The following SCRN1 variants were observed in gnomAD, a reference collection of about 807,000 sequenced individuals.
SCRN1 encodes secernin 1.
A neutral mutation model predicts 43.3 loss-of-function variants in SCRN1; 19 were observed. The ratio of observed to expected loss-of-function variants is 0.44; its 90% CI spans 0.31 to 0.64. SCRN1 has a LOEUF of 0.64. Ranked by LOEUF, SCRN1 falls within the 30% of genes least tolerant of loss-of-function variation. The pLI, the probability that SCRN1 is intolerant of heterozygous loss-of-function variation, is 0.09. For missense variants in SCRN1, 447 were observed against 524.1 expected, an observed-to-expected ratio of 0.85 and a Z score of 1.44; for synonymous variants, 183 against 188.9, an observed-to-expected ratio of 0.97 and a Z score of 0.26.
At chr7:29,925,787 T>C (rs1443363321) in intron 7 of SCRN1, among the ~76,000 whole-genome samples, 1 of 151,430 alleles carries the variant, frequency 6.6e-6, no homozygotes, top group South Asian at 2.1e-4. Flanking sequence ...AGCAGGTGGA[T>C]TGCTTGAGCT....
chr7:29,949,042 G>A (rs1323639135), intron 3 of SCRN1, among the ~76,000 whole-genome samples: 1 of 152,112 alleles, frequency 6.6e-6, no homozygotes, highest in Non-Finnish European at 1.5e-5. Context: ...TAGGACAGGA[G>A]CGGTGGCTCA....
At chr7:29,985,971 A>G (rs892739678) in intron 1 of SCRN1, among the ~76,000 whole-genome samples, 3 of 152,266 alleles carry the variant, frequency 2.0e-5, no homozygotes, top group Non-Finnish European at 4.4e-5. Flanking sequence ...GAGGTGGCTC[A>G]TGCCTGTAAT....
upstream of SCRN1, chr7:29,990,023 C>G (rs1273151417): frequency 6.9e-7 from 1 of 1,456,806 alleles, no homozygotes; most frequent in Non-Finnish European, 9.0e-7. Context: ...CCCCTCTTTG[C>G]TAGATTTTTA....
intron 1 of SCRN1, among the ~76,000 whole-genome samples, chr7:29,986,717 A>ATTTTTTTTTTTTTTTTTTTTTT (rs553845779): frequency 2.0e-5 from 2 of 99,852 alleles, no homozygotes; most frequent in Non-Finnish European, 3.8e-5. Context: ...AATTTTTTTA[A>ATTTTTTTTTTTTTTTTTTTTTT]TTTTTTTTTT....
chr7:29,945,969 C>G lies in SCRN1; in HGVS notation c.342-1790G>C, dbSNP rs115235895. On this transcript the variant is annotated intron_variant, in intron 3 of 7. Coordinates refer to ENST00000242059, the MANE Select transcript of SCRN1 (RefSeq NM_014766.5). ...AGAAGTAAAAACTATTCAAATTTAT[C>G]TAATTTGATGCTTCCTAAAGGGATA... 3.1e-3 allele frequency among the ~76,000 whole-genome samples: 472 copies of G among 152,298 alleles called. 6 individuals are homozygous for G. The highest frequency in any genetic ancestry group is 0.011 in the African/African-American group (449 of 41,554).
At chr7:29,986,925 C>T (rs1045868260) in intron 1 of SCRN1, among the ~76,000 whole-genome samples, 6 of 151,868 alleles carry the variant, frequency 4.0e-5, no homozygotes, top group Non-Finnish European at 7.4e-5. Flanking sequence ...GGGGTTTCAC[C>T]GTGTTAGCCA....
At chr7:29,924,530 C>T (rs898283286) in intron 7 of SCRN1, among the ~76,000 whole-genome samples, 1 of 152,202 alleles carries the variant, frequency 6.6e-6, no homozygotes, top group African/African-American at 2.4e-5. Context: ...TCGACGTGCA[C>T]CCATCTTCAG....
intron 2 of SCRN1, among the ~76,000 whole-genome samples, chr7:29,966,212 T>C (rs1320281262): frequency 8.4e-6 from 1 of 119,612 alleles, no homozygotes; most frequent in East Asian, 2.2e-4. Context: ...AGAAGCTGTA[T>C]CCTTTTATGG....
intron 7 of SCRN1, among the ~76,000 whole-genome samples, chr7:29,925,689 GA>G (rs1304258347): frequency 1.3e-5 from 2 of 152,040 alleles, no homozygotes; most frequent in Non-Finnish European, 2.9e-5. Flanking sequence ...GCTGCACTTT[GA>G]AGGATTACGA....
At chr7:29,961,832 C>A (rs1476887083) in intron 2 of SCRN1, among the ~76,000 whole-genome samples, 1 of 152,146 alleles carries the variant, frequency 6.6e-6, no homozygotes, top group African/African-American at 2.4e-5. Context: ...GGGGCTGACC[C>A]CCCCACTGGA....
At chr7:29,956,842 T>TA (rs141892925) in intron 2 of SCRN1, among the ~76,000 whole-genome samples, 4,388 of 150,798 alleles carry the variant, frequency 0.029, 174 homozygotes, top group African/African-American at 0.082. Context: ...GTTATTTATT[T>TA]AAAAAAAAAA....
At chr7:29,937,749 C>T (rs538781666) in intron 5 of SCRN1, among the ~76,000 whole-genome samples, 1 of 152,280 alleles carries the variant, frequency 6.6e-6, no homozygotes. Flanking sequence ...ACATGAGATC[C>T]CATTTCTACA....
chr7:29,939,446 C>T (rs1355175183), intron 5 of SCRN1, among the ~76,000 whole-genome samples: 1 of 152,124 alleles, frequency 6.6e-6, no homozygotes, highest in Non-Finnish European at 1.5e-5. Context: ...GAACTCCTAG[C>T]CTCAAGTGAT....
intron 1 of SCRN1, among the ~76,000 whole-genome samples, chr7:29,976,919 G>C (rs1788854038): frequency 6.6e-6 from 1 of 152,222 alleles, no homozygotes; most frequent in Non-Finnish European, 1.5e-5. Context: ...AGAATGTGTA[G>C]CTGAGGAGGG....
intron 2 of SCRN1, among the ~76,000 whole-genome samples, chr7:29,959,983 A>C: frequency 8.0e-6 from 1 of 125,706 alleles, no homozygotes; most frequent in East Asian, 2.7e-4. Flanking sequence ...GAGGGAAGGA[A>C]GAAAGGAAGG....
At chr7:29,989,545 G>A (rs1481499811) in intron 1 of SCRN1, 97 bp downstream of exon 1, 2 of 985,080 alleles carry the variant, frequency 2.0e-6, no homozygotes, top group Non-Finnish European at 2.4e-6. Context: ...GAGGGACAGC[G>A]GGAGGAGATG....
chr7:29,954,231 G>C lies in SCRN1; in HGVS notation c.341+948C>G, dbSNP rs1024738179. ...TCCTTCTGCTGTGTAGTGGCTGGGA[G>C]AGGGGAAAAAGGAAGAAAAAATAAC... On this transcript the variant is annotated intron_variant, in intron 3 of 7. Coordinates refer to ENST00000242059, the MANE Select transcript of SCRN1 (RefSeq NM_014766.5). Among the ~76,000 whole-genome samples the C allele has an allele frequency of 2.6e-5, 4 of 152,216 alleles. No individual in the cohort carries two copies. The South Asian group carries it at 8.3e-4, about 32-fold the overall frequency.
chr7:29,958,070 C>A (rs1788193359), intron 2 of SCRN1, among the ~76,000 whole-genome samples: 1 of 152,164 alleles, frequency 6.6e-6, no homozygotes, highest in Admixed American at 6.5e-5. Context: ...GCCAGATGGG[C>A]CCAATCAGCC....
intron 6 of SCRN1, among the ~76,000 whole-genome samples, chr7:29,934,760 G>A (rs1562803566): frequency 6.6e-6 from 1 of 152,258 alleles, no homozygotes; most frequent in Non-Finnish European, 1.5e-5. Context: ...CTCCTGAGAG[G>A]CTGCCAGGAG....
Sources: gnomAD v4.1 joint callset for allele counts (sites outside exome capture counted in the v4.1 genomes callset) on GRCh38, gnomAD v4.1.1 for gene constraint, MANE v1.5 for transcripts, NCBI Gene and HGNC (gene_info 2026-07-23, HGNC 2026-07-21) for gene names.